Variants in CHRM3 observed in about 807,000 individuals in gnomAD.
CHRM3 encodes the protein cholinergic receptor muscarinic 3, also known as muscarinic acetylcholine receptor M3.
CHRM3 carries 11 observed loss-of-function variants against 41.8 expected under a neutral mutation model. The observed-to-expected ratio is 0.26, with a 90% CI of 0.17 to 0.44. The LOEUF is 0.44. Ranked by LOEUF, CHRM3 falls within the 20% of genes least tolerant of loss-of-function variation. The pLI is 1.00. For synonymous variants in CHRM3, 297 were observed against 301.4 expected (o/e 0.99, Z 0.15); for missense variants, 571 against 745.4 (o/e 0.77, Z 2.72).
At chr1:239,780,094 T>C (rs893043833) in intron 5 of CHRM3, among the ~76,000 whole-genome samples, 5 of 152,362 alleles carry the variant, frequency 3.3e-5, no homozygotes, top group African/African-American at 1.2e-4. Context: ...TAAATATTCA[T>C]GTGTAGGCTT....
chr1:239,497,339 T>C (rs1223606508), intron 2 of CHRM3, among the ~76,000 whole-genome samples: 5 of 152,198 alleles, frequency 3.3e-5, no homozygotes, highest in Admixed American at 6.5e-5. Context: ...AGAGTAATAA[T>C]GGCAGAGGGT....
intron 5 of CHRM3, among the ~76,000 whole-genome samples, chr1:239,804,098 C>T (rs1205431147): frequency 6.6e-6 from 1 of 152,164 alleles, no homozygotes; most frequent in African/African-American, 2.4e-5. Flanking sequence ...TCTCAGGGAG[C>T]TTTTATCTCT....
intron 5 of CHRM3, among the ~76,000 whole-genome samples, chr1:239,774,735 C>T (rs1483623367): frequency 6.6e-6 from 1 of 152,082 alleles, no homozygotes; most frequent in Non-Finnish European, 1.5e-5. Context: ...AATTTAGAAA[C>T]AATAATTATC....
rs1361836902 is a variant in CHRM3 at position 239,915,432 on chromosome 1, A to G, written c.*6208A>G. ...CAAGTTAACAGTGAAATAAGTAAATAAAACTATTATTGAACAAAGAGTGTG... is the reference window on the plus strand; with the variant it reads ...CAAGTTAACAGTGAAATAAGTAAATGAAACTATTATTGAACAAAGAGTGTG... On this transcript the variant is annotated 3_prime_UTR_variant, in exon 7 of 7. Transcript: ENST00000676153. 1 of 167,106 alleles carries G rather than the reference A, an allele frequency of 6.0e-6. No homozygotes were observed. Among genetic ancestry groups the G allele is most frequent in the Non-Finnish European group, 1.5e-5 (1 of 68,112 alleles). The allele number at this position is 167,106 out of a possible 1,614,324, so 10.4% of individuals were successfully genotyped here.
chr1:239,817,614 C>T (rs558972109), intron 5 of CHRM3, among the ~76,000 whole-genome samples: 6 of 151,912 alleles, frequency 3.9e-5, no homozygotes, highest in Non-Finnish European at 8.8e-5. Context: ...CACCTGTTCT[C>T]ATCTAGTTTG....
intron 1 of CHRM3, among the ~76,000 whole-genome samples, chr1:239,445,395 A>T (rs542460987): frequency 6.6e-6 from 1 of 152,244 alleles, no homozygotes; most frequent in South Asian, 2.1e-4. Context: ...AAGTTTCAGG[A>T]CTCAGGCATC....
intron 1 of CHRM3, among the ~76,000 whole-genome samples, chr1:239,483,779 A>G: frequency 6.6e-6 from 1 of 152,172 alleles, no homozygotes; most frequent in Middle Eastern, 3.2e-3. Flanking sequence ...CATCTACTTA[A>G]CCAGGTTGTT....
chr1:239,737,461 G>A (rs945021263), intron 5 of CHRM3, among the ~76,000 whole-genome samples: 4 of 152,068 alleles, frequency 2.6e-5, no homozygotes, highest in Non-Finnish European at 5.9e-5. Flanking sequence ...AACTAACCCC[G>A]TTTAGAGGTG....
intron 5 of CHRM3, among the ~76,000 whole-genome samples, chr1:239,694,816 T>C (rs1024193038): frequency 6.6e-6 from 1 of 152,194 alleles, no homozygotes; most frequent in Admixed American, 6.5e-5. Context: ...CAGTATCTTT[T>C]ATTTTAAAAT....
At chr1:239,794,986 T>G (rs925653402) in intron 5 of CHRM3, among the ~76,000 whole-genome samples, 1 of 152,204 alleles carries the variant, frequency 6.6e-6, no homozygotes, top group Non-Finnish European at 1.5e-5. Flanking sequence ...GATCCACACG[T>G]GAGAATAGAT....
At chr1:239,671,628 G>T (rs965132810) in intron 4 of CHRM3, among the ~76,000 whole-genome samples, 1 of 151,876 alleles carries the variant, frequency 6.6e-6, no homozygotes, top group Non-Finnish European at 1.5e-5. Context: ...CCACAGTTAT[G>T]CACTGCCTGT....
At chr1:239,564,995 C>A (rs1167988981) in intron 3 of CHRM3, among the ~76,000 whole-genome samples, 1 of 152,110 alleles carries the variant, frequency 6.6e-6, no homozygotes, top group Admixed American at 6.6e-5. Context: ...CCTTTCCTTG[C>A]CTCTTCCCGC....
chr1:239,748,268 CATT>C lies in CHRM3; in HGVS notation c.-147+69983_-147+69985del, dbSNP rs745971100. 1.3e-5 allele frequency among the ~76,000 whole-genome samples: 2 copies of C among 152,166 alleles called. No homozygotes were observed. The highest frequency in any genetic ancestry group is 2.9e-5 in the Non-Finnish European group (2 of 68,020). ...ATAACTGCTTTTTATCATTAATTCT[CATT>C]ATGGGATTCACATTCCTCATTTTTT... On this transcript the variant is annotated intron_variant, in intron 5 of 6. Transcript: ENST00000676153. The surrounding 1 kb of genome is among the most constrained non-coding windows in gnomAD (Gnocchi z 4.3).
intron 1 of CHRM3, among the ~76,000 whole-genome samples, chr1:239,429,444 C>T (rs761253279): frequency 1.4e-4 from 22 of 151,942 alleles, no homozygotes; most frequent in African/African-American, 1.9e-4. Flanking sequence ...TCAATCTAAT[C>T]GTGATTTACT....
chr1:239,854,723 T>A (rs1674967276), intron 6 of CHRM3, among the ~76,000 whole-genome samples: 1 of 152,144 alleles, frequency 6.6e-6, no homozygotes, highest in Non-Finnish European at 1.5e-5. Context: ...TACCAATCTG[T>A]TCATTCTAAA....
chr1:239,908,800 G>GC lies in CHRM3; in HGVS notation c.1350dup (p.Thr451HisfsTer27). 1 of 1,614,132 alleles carries GC rather than the reference G, an allele frequency of 6.2e-7. No homozygotes were observed. The highest frequency in any genetic ancestry group is 1.7e-5 in the Admixed American group (1 of 60,018). On this transcript the variant is annotated frameshift_variant, in exon 7 of 7. Transcript: ENST00000676153. LOFTEE classifies it high-confidence loss of function. The surrounding 1 kb of genome is among the most constrained non-coding windows in gnomAD (Gnocchi z 7.2). Reference sequence around the variant, plus strand: ...GACGTCAACTCCTCAGTGGGTAAGAGCACGGCCACTCTACCTCTGTCCTTC... The same window carrying GC: ...GACGTCAACTCCTCAGTGGGTAAGAGCCACGGCCACTCTACCTCTGTCCTTC...
intron 3 of CHRM3, among the ~76,000 whole-genome samples, chr1:239,612,948 C>A (rs1006279899): frequency 6.6e-6 from 1 of 152,140 alleles, no homozygotes; most frequent in Non-Finnish European, 1.5e-5. Flanking sequence ...TAAGAATACT[C>A]CCCTAACTAT....
chr1:239,412,130 T>C, intron 1 of CHRM3, among the ~76,000 whole-genome samples: 1 of 151,206 alleles, frequency 6.6e-6, no homozygotes, highest in Non-Finnish European at 1.5e-5. Context: ...AATTACTTAG[T>C]GAACTATGAT....
intron 3 of CHRM3, among the ~76,000 whole-genome samples, chr1:239,568,499 T>C (rs967032937): frequency 6.6e-6 from 1 of 152,144 alleles, no homozygotes; most frequent in African/African-American, 2.4e-5. Context: ...TTAAACTTCT[T>C]TTTCTTTATA....
Sources: allele counts gnomAD v4.1 joint callset (sites outside exome capture counted in the v4.1 genomes callset), GRCh38; gene constraint gnomAD v4.1.1; non-coding constraint Gnocchi (gnomAD v3.1); transcripts MANE v1.5; gene names NCBI Gene and HGNC (gene_info 2026-07-23, HGNC 2026-07-21).